Variants in SH3PXD2B observed in about 807,000 individuals in gnomAD.
SH3PXD2B encodes SH3 and PX domains 2B, also known as SH3 and PX domain-containing protein 2B.
In SH3PXD2B, 37 loss-of-function variants were observed where a neutral mutation model predicts 73.1. The observed-to-expected ratio is 0.51, with a 90% confidence interval of 0.39 to 0.67. The LOEUF (loss-of-function observed/expected upper bound fraction) is 0.67, where lower values mean the gene tolerates loss of function less well. SH3PXD2B is among the 30% of genes least tolerant of loss of function. SH3PXD2B has a pLI of 0.00. For missense variants in SH3PXD2B, 1,053 were observed against 1,197.8 expected (o/e 0.88, Z 1.78); for synonymous variants, 457 against 480.5 (o/e 0.95, Z 0.64).
In SH3PXD2B at chr5:172,439,686, G is replaced by A. The variant is rs1164296945; in HGVS notation, c.75+14592C>T. On this transcript the variant is annotated intron_variant, in intron 1 of 12. Coordinates refer to ENST00000311601, the MANE Select transcript of SH3PXD2B (RefSeq NM_001017995.3). Reference sequence around the variant, plus strand: ...TATGTGTGTGCGTGCGTGCGCGCACGCGCGCGCACACACACACACACACAC... The same window carrying A: ...TATGTGTGTGCGTGCGTGCGCGCACACGCGCGCACACACACACACACACAC... Among the ~76,000 whole-genome samples the A allele has an allele frequency of 7.2e-3, 626 of 87,034 alleles. 2 individuals are homozygous for A. The highest frequency in any genetic ancestry group is 9.7e-3 in the African/African-American group (201 of 20,752). 57.1% of individuals were successfully genotyped at this position (87,034 alleles called of 152,430 possible). A position where few individuals can be genotyped will look rare whatever the true frequency, so the allele number is the denominator to read the frequency against.
In SH3PXD2B at chr5:172,381,201, C is replaced by T. The variant is rs368491449; in HGVS notation, c.401+835G>A. Reference sequence around the variant, plus strand: ...TGCCTGGGGCATCCAGCGAACGCAGCGCCAAGAGCAGCAGCATCTACTTCT... The same window carrying T: ...TGCCTGGGGCATCCAGCGAACGCAGTGCCAAGAGCAGCAGCATCTACTTCT... On this transcript the variant is annotated intron_variant, in intron 5 of 12. Coordinates refer to ENST00000311601, the MANE Select transcript of SH3PXD2B (RefSeq NM_001017995.3). Among the ~76,000 whole-genome samples the T allele has an allele frequency of 1.8e-3, 276 of 152,302 alleles. 2 individuals carry two copies. Among genetic ancestry groups the T allele is most frequent in the African/African-American group, 6.4e-3 (264 of 41,552 alleles).
intron 2 of SH3PXD2B, 132 bp downstream of exon 2, chr5:172,422,284 C>G (rs184299382): frequency 7.1e-6 from 6 of 842,370 alleles, no homozygotes; most frequent in Non-Finnish European, 1.1e-5. Context: ...TGTGAGCCAC[C>G]ACGCCCAGCC....
intron 5 of SH3PXD2B, among the ~76,000 whole-genome samples, chr5:172,374,636 G>A (rs1440316786): frequency 3.9e-5 from 6 of 152,086 alleles, no homozygotes; most frequent in Non-Finnish European, 8.8e-5. Flanking sequence ...AGCCGAGATC[G>A]TGCCACTGCA....
rs1756719620 is a variant in SH3PXD2B, at chr5:172,337,127, G to A, written c.*1242C>T. ...AACAGGGCTCTGTGTCAACCACCAG[G>A]ACCCTGGCATTCTCCTGTCATGGAG... On this transcript the variant is annotated 3_prime_UTR_variant, in exon 13 of 13. Transcript: ENST00000311601. The A allele has an allele frequency of 1.0e-6, 1 of 985,380 alleles. No individual in the cohort carries two copies. The highest frequency in any genetic ancestry group is 1.2e-6 in the Non-Finnish European group (1 of 830,008). 61.0% of individuals were successfully genotyped at this position (985,380 alleles called of 1,614,324 possible). A position where few individuals can be genotyped will look rare whatever the true frequency, so the allele number is the denominator to read the frequency against.
intron 2 of SH3PXD2B, among the ~76,000 whole-genome samples, chr5:172,414,467 A>T (rs935541114): frequency 1.3e-5 from 2 of 151,168 alleles, no homozygotes; most frequent in Non-Finnish European, 3.0e-5. Context: ...AAAAAAAAAA[A>T]AAAAAAAAAA....
rs571953886 is a variant in SH3PXD2B, at chr5:172,377,243, C to T, written c.402-3428G>A. On this transcript the variant is annotated intron_variant, in intron 5 of 12. Coordinates refer to ENST00000311601, the MANE Select transcript of SH3PXD2B (RefSeq NM_001017995.3). Reference sequence around the variant, plus strand: ...TGTTCCCAAGTTTTCCTACTCATGGCGGCCAAAACCCTCCTCCAATAGCAC... The same window carrying T: ...TGTTCCCAAGTTTTCCTACTCATGGTGGCCAAAACCCTCCTCCAATAGCAC... Among the ~76,000 whole-genome samples the T allele has an allele frequency of 1.8e-4, 27 of 152,244 alleles. No individual in the cohort carries two copies. The South Asian group carries it at 3.3e-3, about 19-fold the overall frequency.
intron 1 of SH3PXD2B, among the ~76,000 whole-genome samples, chr5:172,426,213 A>T (rs994275492): frequency 6.6e-6 from 1 of 152,210 alleles, no homozygotes; most frequent in African/African-American, 2.4e-5. Context: ...ACACAACGTG[A>T]TGTCTGCATT....
At chr5:172,422,155 T>C (rs1192075698) in intron 2 of SH3PXD2B, among the ~76,000 whole-genome samples, 2 of 152,126 alleles carry the variant, frequency 1.3e-5, no homozygotes, top group African/African-American at 2.4e-5. Context: ...TCACCGCACC[T>C]GGCTAATGTT....
At chr5:172,404,699 T>C (rs1196444479) in intron 3 of SH3PXD2B, among the ~76,000 whole-genome samples, 2 of 152,220 alleles carry the variant, frequency 1.3e-5, no homozygotes, top group Non-Finnish European at 1.5e-5. Context: ...AAGTGCTTGA[T>C]AGCTGTTAGT....
At chr5:172,404,663 T>C (rs1156324280) in intron 3 of SH3PXD2B, among the ~76,000 whole-genome samples, 1 of 152,174 alleles carries the variant, frequency 6.6e-6, no homozygotes, top group Admixed American at 6.5e-5. Flanking sequence ...GATTGCTGAT[T>C]TTCAGTACAT....
At chr5:172,423,063 T>A (rs546078263) in intron 1 of SH3PXD2B, among the ~76,000 whole-genome samples, 214 of 152,304 alleles carry the variant, frequency 1.4e-3, no homozygotes, top group African/African-American at 5.0e-3. Context: ...GAGGTGCTGA[T>A]GAAATTAAGG....
At position 172,346,242 on chromosome 5, in the gene SH3PXD2B, G is replaced by C; in HGVS notation, c.1082C>G (p.Pro361Arg). The C allele has an allele frequency of 2.5e-6, 4 of 1,613,932 alleles. No homozygotes were observed. Among genetic ancestry groups the C allele is most frequent in the Non-Finnish European group, 3.4e-6 (4 of 1,179,990 alleles). The change falls in exon 12 of 13, where the codon CCG (proline) becomes CGG (arginine). Residue 361 changes from proline (P) to arginine (R), a missense_variant. Pro to Arg is a moderately radical substitution (Grantham distance 103, BLOSUM62 -2). Coordinates refer to ENST00000311601, the MANE Select transcript of SH3PXD2B (RefSeq NM_001017995.3). ...DMTIPRGLNL[P>R]KPPIPPQVEE... is the part of the protein sequence containing the mutation. ...CACTTGGGGCGGGATGGGCGGCTTCGGCAGGTTGAGGCCTCGAGGCTGGTA... is the reference window on the plus strand; with the variant it reads ...CACTTGGGGCGGGATGGGCGGCTTCCGCAGGTTGAGGCCTCGAGGCTGGTA...
At chr5:172,363,910 A>G (rs774914232) in intron 6 of SH3PXD2B, among the ~76,000 whole-genome samples, 1 of 152,084 alleles carries the variant, frequency 6.6e-6, no homozygotes, top group Non-Finnish European at 1.5e-5. Context: ...CCATGTGGAG[A>G]ATGGATCAGA....
chr5:172,354,544 C>A (rs1398489100), intron 8 of SH3PXD2B, among the ~76,000 whole-genome samples: 1 of 152,130 alleles, frequency 6.6e-6, no homozygotes, highest in African/African-American at 2.4e-5. Context: ...TGAGCAAGAC[C>A]TGAAGGCTGG....
chr5:172,438,425 C>T (rs758158702), intron 1 of SH3PXD2B, among the ~76,000 whole-genome samples: 4 of 152,100 alleles, frequency 2.6e-5, no homozygotes, highest in African/African-American at 7.2e-5. Context: ...CAGTGCCTGG[C>T]GACAATGAGC....
At chr5:172,412,964 T>C (rs187512078) in intron 2 of SH3PXD2B, among the ~76,000 whole-genome samples, 1 of 152,286 alleles carries the variant, frequency 6.6e-6, no homozygotes, top group East Asian at 1.9e-4. Flanking sequence ...GAACACTCCA[T>C]CAGCAGTTTT....
intron 1 of SH3PXD2B, among the ~76,000 whole-genome samples, chr5:172,424,209 G>A (rs1759041015): frequency 6.6e-6 from 1 of 152,186 alleles, no homozygotes; most frequent in Non-Finnish European, 1.5e-5. Context: ...AACTTTTGTG[G>A]CCAGTTCAAG....
At chr5:172,449,980 A>C (rs1046194883) in intron 1 of SH3PXD2B, among the ~76,000 whole-genome samples, 25 of 152,346 alleles carry the variant, frequency 1.6e-4, no homozygotes, top group Non-Finnish European at 3.2e-4. Flanking sequence ...TAGTTTTAAA[A>C]CATTCACGAC....
chr5:172,398,558 C>T (rs896073001), intron 3 of SH3PXD2B, among the ~76,000 whole-genome samples: 5 of 152,318 alleles, frequency 3.3e-5, no homozygotes, highest in Middle Eastern at 3.4e-3. Flanking sequence ...CGCCGTGTTA[C>T]AGAGGCTGGA....
Sources: allele counts gnomAD v4.1 joint callset (sites outside exome capture counted in the v4.1 genomes callset), GRCh38; gene constraint gnomAD v4.1.1; transcripts MANE v1.5; gene names NCBI Gene and HGNC (gene_info 2026-07-23, HGNC 2026-07-21).